The following CDH13 variants were observed in gnomAD, a reference collection of about 807,000 sequenced individuals.
CDH13 encodes the protein cadherin 13, also known as cadherin-13.
CDH13 carries 24 observed loss-of-function variants against 63.8 expected under a neutral mutation model. The ratio of observed to expected loss-of-function variants is 0.38; its 90% CI spans 0.27 to 0.53. CDH13 has a LOEUF of 0.53. Ranked by LOEUF, CDH13 falls within the 20% of genes least tolerant of loss-of-function variation. CDH13 has a pLI of 0.85. For missense variants in CDH13, 1,049 were observed against 903.1 expected (o/e 1.16, Z -2.07); for synonymous variants, 503 against 355.3 (o/e 1.42, Z -4.67).
chr16:83,575,397 C>G (rs1363756313), intron 7 of CDH13, among the ~76,000 whole-genome samples: 1 of 152,142 alleles, frequency 6.6e-6, no homozygotes. Flanking sequence ...ATCAAGTCAA[C>G]CGCCTGGTTA....
intron 1 of CDH13, among the ~76,000 whole-genome samples, chr16:82,666,156 T>A (rs907564609): frequency 7.2e-5 from 11 of 152,164 alleles, no homozygotes; most frequent in Non-Finnish European, 1.6e-4. Context: ...CCAAAAAATA[T>A]AGCTGCTGGG....
At chr16:82,892,445 C>G (rs2041113145) in intron 2 of CDH13, among the ~76,000 whole-genome samples, 1 of 152,102 alleles carries the variant, frequency 6.6e-6, no homozygotes, top group African/African-American at 2.4e-5. Context: ...AAGTGTTATT[C>G]AAAAGATTGT....
intron 1 of CDH13, among the ~76,000 whole-genome samples, chr16:82,783,401 C>T (rs11646019): frequency 0.3 from 45,354 of 152,138 alleles, 7,426 homozygotes; most frequent in South Asian, 0.45. Flanking sequence ...CTAGATTAAC[C>T]TGTTCAGCAG....
chr16:83,521,410 G>A (rs949959272), intron 7 of CDH13, among the ~76,000 whole-genome samples: 9 of 152,018 alleles, frequency 5.9e-5, no homozygotes, highest in Non-Finnish European at 8.8e-5. Flanking sequence ...TAATAGAGTA[G>A]TAGCGGCCAG....
At chr16:83,227,083 ATGAT>A (rs2039863566) in intron 5 of CDH13, among the ~76,000 whole-genome samples, 1 of 152,214 alleles carries the variant, frequency 6.6e-6, no homozygotes, top group Admixed American at 6.5e-5. Flanking sequence ...AGAACAGAAA[ATGAT>A]TGAAGTCATG....
intron 6 of CDH13, among the ~76,000 whole-genome samples, chr16:83,472,654 A>G (rs1051557866): frequency 6.6e-6 from 1 of 152,228 alleles, no homozygotes; most frequent in Non-Finnish European, 1.5e-5. Context: ...TTCTAAGAGA[A>G]GAACATTGCA....
chr16:83,218,166 T>C (rs2039595122), intron 5 of CDH13, among the ~76,000 whole-genome samples: 1 of 152,196 alleles, frequency 6.6e-6, no homozygotes, highest in African/African-American at 2.4e-5. Flanking sequence ...GATTTGGTTT[T>C]CTTACCTACT....
At chr16:83,431,584 A>T (rs1313398670) in intron 6 of CDH13, among the ~76,000 whole-genome samples, 1 of 152,168 alleles carries the variant, frequency 6.6e-6, no homozygotes. Flanking sequence ...TACAGGAAAC[A>T]CAATGCTGGC....
intron 3 of CDH13, among the ~76,000 whole-genome samples, chr16:83,035,205 G>T (rs1048079065): frequency 6.6e-6 from 1 of 152,194 alleles, no homozygotes; most frequent in Non-Finnish European, 1.5e-5. Flanking sequence ...AGGTCCTACT[G>T]TGTGCAGCCA....
At chr16:83,752,083 G>T (rs1305515097) in intron 11 of CDH13, among the ~76,000 whole-genome samples, 1 of 152,230 alleles carries the variant, frequency 6.6e-6, no homozygotes, top group Non-Finnish European at 1.5e-5. Flanking sequence ...TGTGTAAAAT[G>T]AAAAGTATCC....
chr16:83,263,666 A>G (rs138171944), intron 5 of CDH13, among the ~76,000 whole-genome samples: 1 of 152,336 alleles, frequency 6.6e-6, no homozygotes, highest in African/African-American at 2.4e-5. Flanking sequence ...TCTTCTGCTT[A>G]TGAGGCTTTT....
At chr16:83,082,030 C>T (rs1008278111) in intron 3 of CDH13, among the ~76,000 whole-genome samples, 1 of 152,060 alleles carries the variant, frequency 6.6e-6, no homozygotes, top group Non-Finnish European at 1.5e-5. Context: ...GAACTCCCAA[C>T]CTCAGGTGAT....
At position 83,238,583 on chromosome 16, in the gene CDH13, G is replaced by A. The variant is rs148408519; in HGVS notation, c.636+21086G>A. Among the ~76,000 whole-genome samples, 437 of 152,276 alleles carry A rather than the reference G, an allele frequency of 2.9e-3. 4 individuals are homozygous for A. The highest frequency in any genetic ancestry group is 9.8e-3 in the African/African-American group (406 of 41,550). On this transcript the variant is annotated intron_variant, in intron 5 of 13. Coordinates refer to ENST00000567109, the MANE Select transcript of CDH13 (RefSeq NM_001257.5). Reference sequence around the variant, plus strand: ...TGGGGAAACATGTGGTTGTGTGATGGATTTCTATGTCCATAGTGGTCTTTG... The same window carrying A: ...TGGGGAAACATGTGGTTGTGTGATGAATTTCTATGTCCATAGTGGTCTTTG...
At position 83,797,551 on chromosome 16, in the gene CDH13, T is replaced by C. The variant is rs947601599; in HGVS notation, c.*2521T>C. ...CAGAAAAAAAGGAAAATAAACCAAT[T>C]CTTATAGGCCAAAGTGGTAGCATTT... On this transcript the variant is annotated 3_prime_UTR_variant, in exon 14 of 14. Coordinates refer to ENST00000567109, the MANE Select transcript of CDH13 (RefSeq NM_001257.5). 1 of 152,206 alleles carries C rather than the reference T, an allele frequency of 6.6e-6. No individual in the cohort carries two copies. The highest frequency in any genetic ancestry group is 1.9e-4 in the East Asian group (1 of 5,202). The allele number at this position is 152,206 out of a possible 1,614,324, so 9.4% of individuals were successfully genotyped here. A position where few individuals can be genotyped will look rare whatever the true frequency, so the allele number is the denominator to read the frequency against.
intron 1 of CDH13, among the ~76,000 whole-genome samples, chr16:82,697,739 TTGTGTGTG>T (rs56791322): frequency 0.041 from 6,009 of 146,628 alleles, 229 homozygotes; most frequent in African/African-American, 0.087. Context: ...GGCCGAGGCA[TTGTGTGTG>T]TGTGTGTGTG....
chr16:83,004,931 C>T (rs140436903), intron 2 of CDH13, among the ~76,000 whole-genome samples: 164 of 152,296 alleles, frequency 1.1e-3, no homozygotes, highest in African/African-American at 3.8e-3. Flanking sequence ...CTCATTCCTA[C>T]CTCCTGCACC....
chr16:82,717,666 C>A (rs554857519), intron 1 of CDH13, among the ~76,000 whole-genome samples: 3 of 152,268 alleles, frequency 2.0e-5, no homozygotes, highest in East Asian at 1.9e-4. Context: ...TCCTCTGCCC[C>A]CCTCTTATGA....
At chr16:82,754,886 G>C (rs192723137) in intron 1 of CDH13, among the ~76,000 whole-genome samples, 3 of 152,286 alleles carry the variant, frequency 2.0e-5, no homozygotes, top group Admixed American at 2.0e-4. Context: ...GCATAGAAAG[G>C]TATTTTTGGT....
intron 4 of CDH13, among the ~76,000 whole-genome samples, chr16:83,152,356 CA>C (rs111416049): frequency 6.6e-6 from 1 of 152,028 alleles, no homozygotes; most frequent in African/African-American, 2.4e-5. Context: ...AATTTTTAAA[CA>C]TATAGAAAAA....
Sources: allele counts gnomAD v4.1 joint callset (sites outside exome capture counted in the v4.1 genomes callset), GRCh38; gene constraint gnomAD v4.1.1; transcripts MANE v1.5; gene names NCBI Gene and HGNC (gene_info 2026-07-23, HGNC 2026-07-21).